Variants in KIF26B observed in about 807,000 individuals in gnomAD.
KIF26B encodes the protein kinesin family member 26B.
KIF26B carries 63 observed loss-of-function variants against 151.2 expected under a neutral mutation model. The observed-to-expected ratio is 0.42, with a 90% CI of 0.34 to 0.51. The LOEUF (loss-of-function observed/expected upper bound fraction) is 0.51, where lower values mean the gene tolerates loss of function less well. Ranked by LOEUF, KIF26B falls within the 20% of genes least tolerant of loss-of-function variation. KIF26B has a pLI of 0.07. For synonymous variants in KIF26B, 1,357 were observed against 1,262.1 expected (o/e 1.08, Z -1.59); for missense variants, 2,813 against 2,913.6 (o/e 0.97, Z 0.79).
At chr1:245,175,926 ATATT>A (rs1462844983) in intron 2 of KIF26B, among the ~76,000 whole-genome samples, 33 of 122,748 alleles carry the variant, frequency 2.7e-4, no homozygotes, top group African/African-American at 1.1e-3. Flanking sequence ...CTATATCTAT[ATATT>A]TAGATGTCTA....
intron 2 of KIF26B, among the ~76,000 whole-genome samples, chr1:245,194,660 G>A (rs1262303687): frequency 3.9e-5 from 6 of 152,218 alleles, no homozygotes; most frequent in Non-Finnish European, 8.8e-5. Flanking sequence ...TTACAGGTGC[G>A]AGCCACTGCA....
intron 9 of KIF26B, among the ~76,000 whole-genome samples, chr1:245,615,783 A>C (rs992900773): frequency 3.3e-5 from 5 of 152,204 alleles, no homozygotes; most frequent in Non-Finnish European, 7.3e-5. Flanking sequence ...TTCCCTCCCG[A>C]GGGGAAAGGA....
intron 10 of KIF26B, among the ~76,000 whole-genome samples, chr1:245,666,151 C>CCA (rs1378618511): frequency 6.6e-6 from 1 of 151,922 alleles, no homozygotes; most frequent in African/African-American, 2.4e-5. Context: ...CAGGCAGGTG[C>CCA]CACCACACTT....
intron 5 of KIF26B, among the ~76,000 whole-genome samples, chr1:245,579,356 G>A (rs1187875776): frequency 6.6e-6 from 1 of 152,192 alleles, no homozygotes; most frequent in Non-Finnish European, 1.5e-5. Flanking sequence ...AGGAGAGCCA[G>A]GTGCAGTAGG....
At chr1:245,392,098 G>A (rs936607239) in intron 3 of KIF26B, among the ~76,000 whole-genome samples, 11 of 151,732 alleles carry the variant, frequency 7.2e-5, no homozygotes, top group African/African-American at 2.7e-4. Flanking sequence ...GAACCATGAA[G>A]GAAGAGCTCT....
Position 245,702,143 on chromosome 1 carries a change from GT to G in KIF26B, c.6179-314del, listed in dbSNP as rs2044780830. 2.0e-5 allele frequency among the ~76,000 whole-genome samples: 3 copies of G among 152,094 alleles called. No individual in the cohort carries two copies. Among genetic ancestry groups the G allele is most frequent in the Non-Finnish European group, 4.4e-5 (3 of 68,030 alleles). ...TGATTGATTGATAGTGAATAGTGTG[GT>G]AGCGTCTCTCAAATCCTGGGATCCA... is the stretch of plus-strand genomic sequence containing the variant. On this transcript the variant is annotated intron_variant, in intron 14 of 14. Transcript: ENST00000407071. The surrounding 1 kb of genome is among the most constrained non-coding windows in gnomAD (Gnocchi z 4.1).
At chr1:245,453,665 GTTAT>G (rs1659445440) in intron 4 of KIF26B, among the ~76,000 whole-genome samples, 1 of 152,086 alleles carries the variant, frequency 6.6e-6, no homozygotes, top group South Asian at 2.1e-4. Context: ...CTATTACAGT[GTTAT>G]TTGTCGTAAT....
intron 10 of KIF26B, among the ~76,000 whole-genome samples, chr1:245,681,248 C>T (rs377030158): frequency 3.0e-4 from 45 of 150,084 alleles, no homozygotes; most frequent in South Asian, 2.5e-3. Flanking sequence ...CTCGCTCTGT[C>T]GCCCAGGCTG....
At chr1:245,301,212 C>T (rs886873047) in intron 2 of KIF26B, among the ~76,000 whole-genome samples, 9 of 152,224 alleles carry the variant, frequency 5.9e-5, no homozygotes, top group Non-Finnish European at 1.0e-4. Flanking sequence ...CCACTTTCTT[C>T]TCCCGCCTTC....
intron 4 of KIF26B, among the ~76,000 whole-genome samples, chr1:245,497,101 C>T (rs1558188771): frequency 6.7e-6 from 1 of 148,464 alleles, no homozygotes; most frequent in African/African-American, 2.5e-5. Flanking sequence ...TGCTGAGAGC[C>T]GAGATTGCAC....
intron 2 of KIF26B, among the ~76,000 whole-genome samples, chr1:245,242,646 TTTTG>T (rs34039863): frequency 0.56 from 84,460 of 151,044 alleles, 25,332 homozygotes; most frequent in Non-Finnish European, 0.67. Flanking sequence ...ATATGTGGTT[TTTTG>T]TTTGTTTGTT....
intron 2 of KIF26B, among the ~76,000 whole-genome samples, chr1:245,253,941 C>T (rs1014786433): frequency 2.0e-5 from 3 of 151,248 alleles, no homozygotes. Context: ...TCCCGAGTAG[C>T]TGGGACTACA....
chr1:245,348,612 C>T (rs1391603811), intron 2 of KIF26B, among the ~76,000 whole-genome samples: 2 of 152,152 alleles, frequency 1.3e-5, no homozygotes, highest in Non-Finnish European at 2.9e-5. Context: ...AATGACTCCA[C>T]CCTCATGACC....
intron 3 of KIF26B, among the ~76,000 whole-genome samples, chr1:245,395,558 C>T (rs1021506575): frequency 6.6e-6 from 1 of 152,138 alleles, no homozygotes; most frequent in Admixed American, 6.5e-5. Context: ...ATAGACCCGG[C>T]GGGGTGCTGA....
intron 4 of KIF26B, among the ~76,000 whole-genome samples, chr1:245,491,250 G>A (rs767518607): frequency 2.7e-4 from 41 of 152,070 alleles, no homozygotes; most frequent in Non-Finnish European, 1.0e-4. Flanking sequence ...TTACATATAA[G>A]TGGCTTTGTC....
chr1:245,581,204 T>C (rs935206428), intron 5 of KIF26B, among the ~76,000 whole-genome samples: 3 of 152,208 alleles, frequency 2.0e-5, no homozygotes, highest in Admixed American at 6.5e-5. Context: ...ATTTAAACAA[T>C]TGTTTCTTCA....
Position 245,154,997 on chromosome 1 carries a change from C to T in KIF26B, c.-428C>T, listed in dbSNP as rs557364684. The stretch of plus-strand genomic sequence containing the variant: ...TTTCTTTGAACTCAGTTACCAAGCT[C>T]GGTGAAGGAGACAAGTTCCCACAGC... On this transcript the variant is annotated 5_prime_UTR_variant, in exon 1 of 15. Coordinates refer to ENST00000407071, the MANE Select transcript of KIF26B (RefSeq NM_018012.4). The T allele has an allele frequency of 4.8e-6, 2 of 417,338 alleles. No homozygotes were observed. The highest frequency in any genetic ancestry group is 9.8e-5 in the South Asian group (1 of 10,220). 25.9% of individuals were successfully genotyped at this position (417,338 alleles called of 1,614,324 possible).
intron 10 of KIF26B, among the ~76,000 whole-genome samples, chr1:245,664,229 ATGGTGGCGGGCG>A: frequency 2.0e-5 from 3 of 152,082 alleles, no homozygotes; most frequent in Non-Finnish European, 1.5e-5. Context: ...TTAGCCGGGC[ATGGTGGCGGGCG>A]CCTGTAATCC....
intron 2 of KIF26B, among the ~76,000 whole-genome samples, chr1:245,351,207 T>C (rs576207900): frequency 6.6e-6 from 1 of 152,320 alleles, no homozygotes; most frequent in South Asian, 2.1e-4. Flanking sequence ...GCTTCATACT[T>C]TCATCTTTGC....
Sources: gnomAD v4.1 joint callset for allele counts (sites outside exome capture counted in the v4.1 genomes callset) on GRCh38, gnomAD v4.1.1 for gene constraint, Gnocchi (gnomAD v3.1) non-coding constraint, MANE v1.5 for transcripts, NCBI Gene and HGNC (gene_info 2026-07-23, HGNC 2026-07-21) for gene names.